Variants in SLC6A17 observed in about 807,000 individuals in gnomAD.
The protein encoded by SLC6A17 is sodium-dependent neutral amino acid transporter SLC6A17.
SLC6A17 carries 21 observed loss-of-function variants against 64.5 expected under a neutral mutation model. The observed-to-expected ratio is 0.33, with a 90% CI of 0.23 to 0.47. The LOEUF (loss-of-function observed/expected upper bound fraction) is 0.47, where lower values mean the gene tolerates loss of function less well. SLC6A17 is among the 20% of genes least tolerant of loss of function. The pLI, the probability that SLC6A17 is intolerant of heterozygous loss-of-function variation, is 1.00. For synonymous variants in SLC6A17, 372 were observed against 399.5 expected (o/e 0.93, Z 0.82); for missense variants, 682 against 963.2 (o/e 0.71, Z 3.86).
intron 6 of SLC6A17, among the ~76,000 whole-genome samples, chr1:110,188,281 T>A (rs1656735734): frequency 6.6e-6 from 1 of 152,246 alleles, no homozygotes; most frequent in Admixed American, 6.5e-5. Context: ...GTATTACATT[T>A]GTAAAGAAGG....
chr1:110,174,150 G>A (rs1420669944), intron 4 of SLC6A17, 51 bp downstream of exon 4: 1 of 1,601,318 alleles, frequency 6.2e-7, no homozygotes, highest in Non-Finnish European at 8.5e-7. Context: ...CCCAGGAAGG[G>A]GTCTCACAAG....
At chr1:110,190,691 G>A (rs922243423) in intron 6 of SLC6A17, among the ~76,000 whole-genome samples, 1 of 152,228 alleles carries the variant, frequency 6.6e-6, no homozygotes, top group Non-Finnish European at 1.5e-5. Context: ...CCACAGGGAA[G>A]TGAACTCTCT....
chr1:110,158,982 G>A (rs1321170504), intron 1 of SLC6A17, among the ~76,000 whole-genome samples: 1 of 152,130 alleles, frequency 6.6e-6, no homozygotes, highest in Non-Finnish European at 1.5e-5. Flanking sequence ...AGCATCAAAG[G>A]ATCCTAGATT....
chr1:110,191,172 A>G (rs621514), intron 6 of SLC6A17, among the ~76,000 whole-genome samples: 99,402 of 152,056 alleles, frequency 0.65, 33,297 homozygotes, highest in African/African-American at 0.77. Context: ...GCCACTTACC[A>G]AAAGCTTCAT....
In SLC6A17 at chr1:110,192,444, C is replaced by T; in HGVS notation, c.1107-62C>T. The T allele has an allele frequency of 6.5e-7, 1 of 1,549,250 alleles. No homozygotes were observed. Among genetic ancestry groups the T allele is most frequent in the Admixed American group, 1.8e-5 (1 of 54,412 alleles). On this transcript the variant is annotated intron_variant, in intron 7 of 11. Transcript: ENST00000331565. This position sits in a 1 kb window ranked among gnomAD's most constrained non-coding sequence, Gnocchi z 4.3. ...CACCTGGGTGCCTGGGAAGAGCCTC[C>T]AGGATCTCACCCATTGCCCACCCCT... is the stretch of plus-strand genomic sequence containing the variant.
intron 10 of SLC6A17, among the ~76,000 whole-genome samples, chr1:110,196,939 A>G (rs1656985196): frequency 6.6e-6 from 1 of 152,222 alleles, no homozygotes; most frequent in Non-Finnish European, 1.5e-5. Context: ...GTTAGCGGTT[A>G]TTGAGGTAAA....
At chr1:110,153,878 C>T (rs1266791556) in intron 1 of SLC6A17, among the ~76,000 whole-genome samples, 1 of 149,492 alleles carries the variant, frequency 6.7e-6, no homozygotes, top group Non-Finnish European at 1.5e-5. Context: ...ATCTGGAGCA[C>T]CAGGATGGGG....
intron 6 of SLC6A17, among the ~76,000 whole-genome samples, chr1:110,186,034 T>TA (rs1277202941): frequency 6.6e-6 from 1 of 152,244 alleles, no homozygotes; most frequent in Non-Finnish European, 1.5e-5. Flanking sequence ...TGCTGGGTGA[T>TA]ACGTATGTGG....
chr1:110,191,359 C>T (rs918784696), intron 6 of SLC6A17, among the ~76,000 whole-genome samples: 5 of 152,164 alleles, frequency 3.3e-5, no homozygotes, highest in Admixed American at 6.5e-5. Flanking sequence ...AGTTCGGGCT[C>T]CTGTCAGGTG....
At chr1:110,194,885 C>A (rs550402406) in intron 9 of SLC6A17, 114 bp downstream of exon 9, 1 of 1,252,972 alleles carries the variant, frequency 8.0e-7, no homozygotes, top group South Asian at 1.3e-5. Context: ...GGCTCCACCC[C>A]ACACTGGGAC....
chr1:110,158,448 A>T (rs1443097978), intron 1 of SLC6A17, among the ~76,000 whole-genome samples: 1 of 152,190 alleles, frequency 6.6e-6, no homozygotes, highest in Non-Finnish European at 1.5e-5. Context: ...GTGGGTGAGT[A>T]TGCCTTGATT....
At chr1:110,194,962 G>A (rs1465459842) in intron 9 of SLC6A17, 191 bp downstream of exon 9, 3 of 709,928 alleles carry the variant, frequency 4.2e-6, no homozygotes, top group Middle Eastern at 2.8e-4. Context: ...AAGCTACTTG[G>A]AAATCTGGAG....
chr1:110,186,580 A>G (rs1248539772), intron 6 of SLC6A17, among the ~76,000 whole-genome samples: 1 of 152,220 alleles, frequency 6.6e-6, no homozygotes, highest in Non-Finnish European at 1.5e-5. Context: ...ATCTTAGCCC[A>G]AAAGGCTGGT....
chr1:110,169,035 G>A (rs114039884), intron 2 of SLC6A17, among the ~76,000 whole-genome samples: 224 of 151,844 alleles, frequency 1.5e-3, no homozygotes, highest in Non-Finnish European at 2.7e-3. Context: ...GTTTTTCTTT[G>A]TTTGTTTTTT....
intron 1 of SLC6A17, among the ~76,000 whole-genome samples, chr1:110,164,014 A>G (rs1435232554): frequency 2.0e-5 from 3 of 152,202 alleles, no homozygotes; most frequent in Non-Finnish European, 2.9e-5. Context: ...CACCCCATGT[A>G]TCACCCCTGG....
At chr1:110,158,502 AGCTGGCACTG>A (rs1655817798) in intron 1 of SLC6A17, among the ~76,000 whole-genome samples, 1 of 152,234 alleles carries the variant, frequency 6.6e-6, no homozygotes, top group South Asian at 2.1e-4. Flanking sequence ...TGAAGGTGGT[AGCTGGCACTG>A]GTTGATGGCA....
Position 110,198,403 on chromosome 1 carries a change from AG to A in SLC6A17, c.2144del (p.Ser715ThrfsTer66). On this transcript the variant is annotated frameshift_variant, in exon 12 of 12. Transcript: ENST00000331565. LOFTEE classifies it high-confidence loss of function. ...CGGTAACCCCAATGGACGCTATGGGAGCGGCTACCTGCTGGCCAGCACCCCT... is the reference window on the plus strand; with the variant it reads ...CGGTAACCCCAATGGACGCTATGGGACGGCTACCTGCTGGCCAGCACCCCT... ...TSGNPNGRYG[S>X]GYLLASTPES... 6.2e-7 allele frequency: 1 copy of A among 1,613,604 alleles called. No individual in the cohort carries two copies. Among genetic ancestry groups the A allele is most frequent in the Non-Finnish European group, 8.5e-7 (1 of 1,179,896 alleles).
In SLC6A17 at chr1:110,198,543, G is replaced by A. The variant is rs577596546; in HGVS notation, c.*99G>A. ...GAGGTGGCCACCAGGCCCAGGCCAGGCCCTTTGCCCAAGAAGAGAGGGTCT... is the reference window on the plus strand; with the variant it reads ...GAGGTGGCCACCAGGCCCAGGCCAGACCCTTTGCCCAAGAAGAGAGGGTCT... On this transcript the variant is annotated 3_prime_UTR_variant, in exon 12 of 12. Transcript: ENST00000331565. The A allele has an allele frequency of 6.8e-5, 102 of 1,508,074 alleles. No homozygotes were observed. The South Asian group carries it at 1.3e-3, about 20-fold the overall frequency. 93.4% of individuals were successfully genotyped at this position (1,508,074 alleles called of 1,614,324 possible). A position where few individuals can be genotyped will look rare whatever the true frequency, so the allele number is the denominator to read the frequency against.
chr1:110,188,551 C>G (rs1442030920), intron 6 of SLC6A17, among the ~76,000 whole-genome samples: 2 of 152,198 alleles, frequency 1.3e-5, no homozygotes, highest in Non-Finnish European at 2.9e-5. Context: ...GAGACAGAAA[C>G]CGACCATAAA....
Sources: allele counts gnomAD v4.1 joint callset (sites outside exome capture counted in the v4.1 genomes callset), GRCh38; gene constraint gnomAD v4.1.1; non-coding constraint Gnocchi (gnomAD v3.1); transcripts MANE v1.5; gene names NCBI Gene and HGNC (gene_info 2026-07-23, HGNC 2026-07-21).